FLT3: variants seen among roughly 807,000 people sequenced by gnomAD.
FLT3 encodes fms related receptor tyrosine kinase 3, also known as receptor-type tyrosine-protein kinase FLT3.
Under a neutral mutation model 126.6 loss-of-function variants are expected in FLT3, and 46 were observed. The ratio of observed to expected loss-of-function variants is 0.36; its 90% CI spans 0.29 to 0.46. The LOEUF (loss-of-function observed/expected upper bound fraction) is 0.46, where lower values mean the gene tolerates loss of function less well. FLT3 is among the 20% of genes least tolerant of loss of function. The pLI, the probability that FLT3 is intolerant of heterozygous loss-of-function variation, is 1.00. For synonymous variants in FLT3, 404 were observed against 434.4 expected (o/e 0.93, Z 0.87); for missense variants, 1,069 against 1,190.3 (o/e 0.90, Z 1.50).
At position 28,100,058 on chromosome 13, in the gene FLT3, G is replaced by A. The variant is rs966421968; in HGVS notation, c.43+410C>T. ...ACACCCAGGTGTCTACAGTATCCAA[G>A]GGCCGGGCCAGGAGAGGTCCTTGGC... On this transcript the variant is annotated intron_variant, in intron 1 of 23. Coordinates refer to ENST00000241453, the MANE Select transcript of FLT3 (RefSeq NM_004119.3). The surrounding 1 kb of genome is among the most constrained non-coding windows in gnomAD (Gnocchi z 4.8). Among the ~76,000 whole-genome samples the A allele has an allele frequency of 6.6e-6, 1 of 152,124 alleles. No homozygotes were observed. Among genetic ancestry groups the A allele is most frequent in the African/African-American group, 2.4e-5 (1 of 41,446 alleles).
intron 1 of FLT3, among the ~76,000 whole-genome samples, chr13:28,081,889 C>T (rs1314752994): frequency 2.0e-5 from 2 of 99,620 alleles, no homozygotes; most frequent in South Asian, 3.5e-4. Context: ...CACAGTCTTG[C>T]TCTGTCGCCC....
intron 10 of FLT3, 34 bp from the exon 11 acceptor site, chr13:28,036,077 G>T: frequency 6.4e-7 from 1 of 1,550,996 alleles, no homozygotes; most frequent in Non-Finnish European, 8.9e-7. Context: ...AAGCTCACTG[G>T]CTGGGCATAG....
chr13:28,027,808 C>T (rs1428150105), intron 16 of FLT3, among the ~76,000 whole-genome samples: 1 of 152,198 alleles, frequency 6.6e-6, no homozygotes, highest in African/African-American at 2.4e-5. Flanking sequence ...CCGTATTTGA[C>T]GGCAGCCCAA....
intron 5 of FLT3, 121 bp downstream of exon 5, chr13:28,052,424 A>T (rs979515748): frequency 1.9e-6 from 2 of 1,065,372 alleles, no homozygotes; most frequent in African/African-American, 1.6e-5. Context: ...AACTTTAAGA[A>T]GCCAAAGTTT....
At chr13:28,088,848 T>C (rs1329786624) in intron 1 of FLT3, among the ~76,000 whole-genome samples, 1 of 151,612 alleles carries the variant, frequency 6.6e-6, no homozygotes, top group East Asian at 1.9e-4. Context: ...CCTCCCAAAG[T>C]GCTGGGATTA....
At chr13:28,023,526 C>G (rs1438556399) in intron 18 of FLT3, 49 bp from the exon 19 acceptor site, 1 of 1,604,854 alleles carries the variant, frequency 6.2e-7, no homozygotes, top group Non-Finnish European at 8.5e-7. Context: ...TAAGAAGTTG[C>G]CTTATTAAAT....
At chr13:28,034,547 T>C (rs1873660022) in intron 12 of FLT3, 140 bp from the exon 13 acceptor site, 10 of 642,992 alleles carry the variant, frequency 1.6e-5, no homozygotes, top group Non-Finnish European at 2.8e-5. Context: ...ACATATACTC[T>C]ACTCCCCACA....
At chr13:28,036,080 G>A in intron 10 of FLT3, 37 bp from the exon 11 acceptor site, 2 of 1,537,316 alleles carry the variant, frequency 1.3e-6, no homozygotes, top group South Asian at 2.2e-5. Flanking sequence ...CTCACTGGCT[G>A]GGCATAGTGG....
chr13:28,027,477 G>A (rs577967258), intron 16 of FLT3, among the ~76,000 whole-genome samples: 1 of 152,228 alleles, frequency 6.6e-6, no homozygotes, highest in African/African-American at 2.4e-5. Flanking sequence ...TTGTATGTGT[G>A]GCCTCACCAA....
rs1011608606 is a variant in FLT3, at chr13:28,083,110, G to T, written c.44-12498C>A. Among the ~76,000 whole-genome samples, 4 of 152,040 alleles carry T rather than the reference G, an allele frequency of 2.6e-5. No individual in the cohort carries two copies. In the South Asian group the frequency reaches 6.2e-4, roughly 24 times the overall value. On this transcript the variant is annotated intron_variant, in intron 1 of 23. Coordinates refer to ENST00000241453, the MANE Select transcript of FLT3 (RefSeq NM_004119.3). ...TACACCTTGTCCTCCCAAAGTGCTG[G>T]GATTACAGGCATGATCCACCACGTG... is the stretch of plus-strand genomic sequence containing the variant.
intron 3 of FLT3, among the ~76,000 whole-genome samples, chr13:28,058,218 A>AAC (rs1876202466): frequency 1.1e-5 from 1 of 87,420 alleles, no homozygotes; most frequent in African/African-American, 3.6e-5. Context: ...AAAAAAAAAA[A>AAC]ACAAAAAAAA....
At chr13:28,094,125 T>C (rs962528424) in intron 1 of FLT3, among the ~76,000 whole-genome samples, 2 of 152,220 alleles carry the variant, frequency 1.3e-5, no homozygotes, top group East Asian at 3.8e-4. Context: ...GGAACTTAAG[T>C]GCAGAGACAT....
intron 9 of FLT3, among the ~76,000 whole-genome samples, chr13:28,039,707 GCCAGC>G (rs1874175932): frequency 6.6e-6 from 1 of 151,784 alleles, no homozygotes; most frequent in African/African-American, 2.4e-5. Flanking sequence ...CGCCACCACA[GCCAGC>G]TAATTTTTAT....
chr13:28,020,158 G>A (rs1872257900), intron 19 of FLT3, among the ~76,000 whole-genome samples: 1 of 151,790 alleles, frequency 6.6e-6, no homozygotes, highest in Admixed American at 6.6e-5. Flanking sequence ...TTCCCTGCTG[G>A]TTTTCCTTTT....
chr13:28,079,674 G>A (rs1380884765), intron 1 of FLT3, among the ~76,000 whole-genome samples: 1 of 152,080 alleles, frequency 6.6e-6, no homozygotes, highest in Non-Finnish European at 1.5e-5. Flanking sequence ...GAAAAATGAG[G>A]AAGAAGCAAA....
intron 4 of FLT3, among the ~76,000 whole-genome samples, chr13:28,056,972 G>A (rs763559590): frequency 4.6e-5 from 7 of 152,054 alleles, no homozygotes; most frequent in Non-Finnish European, 7.4e-5. Flanking sequence ...TAAGGAAATC[G>A]GGGCTCAGAG....
In FLT3 at chr13:28,058,207, T is replaced by A. The variant is rs1445830623; in HGVS notation, c.369-745A>T. Among the ~76,000 whole-genome samples the A allele has an allele frequency of 6.6e-3, 836 of 127,522 alleles. 8 individuals carry two copies. The highest frequency in any genetic ancestry group is 0.034 in the Admixed American group (388 of 11,384). 83.7% of individuals were successfully genotyped at this position (127,522 alleles called of 152,430 possible). ...GACCCTACCTCTATTTTTTAAAAAT[T>A]AAAAAAAAAAAACAAAAAAAAAAAC... On this transcript the variant is annotated intron_variant, in intron 3 of 23. Transcript: ENST00000241453.
At chr13:28,053,049 A>AT (rs1381705505) in intron 4 of FLT3, among the ~76,000 whole-genome samples, 2 of 152,192 alleles carry the variant, frequency 1.3e-5, no homozygotes, top group African/African-American at 2.4e-5. Flanking sequence ...CTTTCTTCCT[A>AT]TAATTTGATC....
At chr13:28,057,526 T>C (rs77541997) in intron 3 of FLT3, 64 bp from the exon 4 acceptor site, 3 of 831,982 alleles carry the variant, frequency 3.6e-6, no homozygotes, top group East Asian at 2.4e-5. Context: ...CAAAATTTCA[T>C]AGTGACTAAA....
Sources: gnomAD v4.1 joint callset for allele counts (sites outside exome capture counted in the v4.1 genomes callset) on GRCh38, gnomAD v4.1.1 for gene constraint, Gnocchi (gnomAD v3.1) non-coding constraint, MANE v1.5 for transcripts, NCBI Gene and HGNC (gene_info 2026-07-23, HGNC 2026-07-21) for gene names.